FRAS1: variants seen among roughly 807,000 people sequenced by gnomAD.
FRAS1 encodes extracellular matrix organizing protein FRAS1.
Under a neutral mutation model 435.2 loss-of-function variants are expected in FRAS1, and 290 were observed. That is an observed-to-expected ratio of 0.67 (90% CI 0.61 to 0.73). FRAS1 has a LOEUF of 0.73. Ranked by LOEUF, FRAS1 falls within the 30% of genes least tolerant of loss-of-function variation. The probability of loss-of-function intolerance (pLI) is 0.00; values close to 1 mark genes in which losing one functional copy is unlikely to be tolerated. For missense variants in FRAS1, 4,860 were observed against 5,001.5 expected, an observed-to-expected ratio of 0.97 and a Z score of 0.85; for synonymous variants, 1,800 against 1,851.0, an observed-to-expected ratio of 0.97 and a Z score of 0.71.
chr4:78,373,378 G>C (rs10028775), intron 24 of FRAS1, among the ~76,000 whole-genome samples: 37 of 151,426 alleles, frequency 2.4e-4, no homozygotes, highest in African/African-American at 9.0e-4. Context: ...ATTCCTGGGG[G>C]ACTGAAAACT....
chr4:78,285,522 C>T (rs965644429), intron 13 of FRAS1, among the ~76,000 whole-genome samples: 1 of 151,028 alleles, frequency 6.6e-6, no homozygotes, highest in Admixed American at 6.6e-5. Flanking sequence ...ACTTCCACCT[C>T]CCGGGTTCAA....
chr4:78,113,451 A>C (rs1371915971), intron 2 of FRAS1, among the ~76,000 whole-genome samples: 1 of 152,178 alleles, frequency 6.6e-6, no homozygotes, highest in African/African-American at 2.4e-5. Flanking sequence ...CCAACAGTGT[A>C]AAAGTGTTCC....
intron 27 of FRAS1, among the ~76,000 whole-genome samples, chr4:78,383,676 C>CG (rs1732108850): frequency 6.6e-6 from 1 of 152,162 alleles, no homozygotes; most frequent in African/African-American, 2.4e-5. Flanking sequence ...AAGAGGGAAT[C>CG]GTGGAGAACT....
chr4:78,060,019 A>G (rs947048180), intron 1 of FRAS1, among the ~76,000 whole-genome samples: 1 of 152,164 alleles, frequency 6.6e-6, no homozygotes, highest in African/African-American at 2.4e-5. Context: ...TGATAAATTG[A>G]TAGATGTCTG....
chr4:78,518,450 ATATT>A lies in FRAS1; in HGVS notation c.10390-863_10390-860del, dbSNP rs147999269. On this transcript the variant is annotated intron_variant, in intron 66 of 73. Coordinates refer to ENST00000512123, the MANE Select transcript of FRAS1 (RefSeq NM_025074.7). ...TATATATATATATATATATATATATATATTTATTTATTTATTTATTTGTGGAAAA... is the reference window on the plus strand; with the variant it reads ...TATATATATATATATATATATATATATATTTATTTATTTATTTGTGGAAAA... Among the ~76,000 whole-genome samples, 284 of 69,314 alleles carry A rather than the reference ATATT, an allele frequency of 4.1e-3. 1 individual carries two copies. The highest frequency in any genetic ancestry group is 7.6e-3 in the Admixed American group (50 of 6,576). 45.5% of individuals were successfully genotyped at this position (69,314 alleles called of 152,430 possible). A position where few individuals can be genotyped will look rare whatever the true frequency, so the allele number is the denominator to read the frequency against.
intron 21 of FRAS1, 32 bp from the exon 22 acceptor site, chr4:78,363,876 T>C: frequency 6.3e-7 from 1 of 1,586,726 alleles, no homozygotes; most frequent in Admixed American, 1.8e-5. Flanking sequence ...TCTGACATCA[T>C]GGTTTCTGTT....
At chr4:78,109,529 G>A (rs965093681) in intron 2 of FRAS1, among the ~76,000 whole-genome samples, 21 of 146,946 alleles carry the variant, frequency 1.4e-4, no homozygotes, top group African/African-American at 5.1e-4. Flanking sequence ...TGCAGAAAAA[G>A]CCTTTGACAA....
At position 78,472,272 on chromosome 4, in the gene FRAS1, G is replaced by T. The variant is rs372346225; in HGVS notation, c.7464G>T (p.Lys2488Asn). The change falls in exon 52 of 74, where the codon AAG becomes AAT. Residue 2488 changes from lysine (K) to asparagine (N), a missense_variant. Transcript: ENST00000512123. Reference sequence around the variant, plus strand: ...TCTATGAGATAACGACGGGCCCTAAGCATGGCTTTGTGGAGAACAAGCTGC... The same window carrying T: ...TCTATGAGATAACGACGGGCCCTAATCATGGCTTTGTGGAGAACAAGCTGC... ...QLVYEITTGP[K>N]HGFVENKLQP... 5 of 1,613,382 alleles carry T rather than the reference G, an allele frequency of 3.1e-6. No individual in the cohort carries two copies. The highest frequency in any genetic ancestry group is 3.4e-6 in the Non-Finnish European group (4 of 1,179,604).
chr4:78,315,701 G>A lies in FRAS1; in HGVS notation c.1786G>A (p.Gly596Arg), dbSNP rs779478457. Residue 596 changes from glycine (G) to arginine (R), a missense_variant, in exon 16 of 74, where the codon GGG becomes AGG. Gly to Arg is a moderately radical substitution (Grantham distance 125). Transcript: ENST00000512123. ...DGKCMSECPG[G>R]YYADATGRCK... The stretch of plus-strand genomic sequence containing the variant: ...GAAATGCATGTCTGAATGCCCTGGC[G>A]GGTACTATGCTGATGCCACTGGCAG... 5.6e-6 allele frequency: 9 copies of A among 1,613,860 alleles called. No individual in the cohort carries two copies. In the Admixed American group the frequency reaches 6.7e-5, roughly 12 times the overall value.
intron 6 of FRAS1, 76 bp from the exon 7 acceptor site, chr4:78,264,949 T>C (rs907761899): frequency 3.5e-6 from 3 of 849,128 alleles, no homozygotes; most frequent in African/African-American, 3.3e-5. Flanking sequence ...TAGTTGGCTG[T>C]GAATGAAATT....
chr4:78,317,685 T>C lies in FRAS1; in HGVS notation c.1960+177T>C, dbSNP rs772351574. Among the ~76,000 whole-genome samples the C allele has an allele frequency of 3.5e-4, 54 of 152,334 alleles. 1 individual carries two copies. Among genetic ancestry groups the C allele is most frequent in the South Asian group, 1.7e-3 (8 of 4,826 alleles). ...TTTGCAAAGGGTTAATCTGAAAAAATTTTATTTGAAAATTTGTGAAGACAC... is the reference window on the plus strand; with the variant it reads ...TTTGCAAAGGGTTAATCTGAAAAAACTTTATTTGAAAATTTGTGAAGACAC... On this transcript the variant is annotated intron_variant, in intron 17 of 73. Coordinates refer to ENST00000512123, the MANE Select transcript of FRAS1 (RefSeq NM_025074.7).
chr4:78,082,910 A>T (rs535658840), intron 2 of FRAS1, among the ~76,000 whole-genome samples: 1 of 152,138 alleles, frequency 6.6e-6, no homozygotes, highest in Non-Finnish European at 1.5e-5. Flanking sequence ...ACCTATACTG[A>T]TATTTCACAA....
chr4:78,221,667 G>A (rs1195042625), intron 2 of FRAS1, among the ~76,000 whole-genome samples: 2 of 152,112 alleles, frequency 1.3e-5, no homozygotes, highest in Non-Finnish European at 2.9e-5. Context: ...TTTAGAAGGG[G>A]CTCTTATTAA....
intron 2 of FRAS1, among the ~76,000 whole-genome samples, chr4:78,175,192 G>A (rs1721714868): frequency 6.6e-6 from 1 of 152,208 alleles, no homozygotes; most frequent in Non-Finnish European, 1.5e-5. Context: ...CGGGGAGCAA[G>A]ATTTACATTT....
At chr4:78,314,935 A>G (rs1409655159) in intron 15 of FRAS1, among the ~76,000 whole-genome samples, 2 of 152,060 alleles carry the variant, frequency 1.3e-5, no homozygotes, top group Non-Finnish European at 2.9e-5. Flanking sequence ...TATTTCCAAT[A>G]TTGTCTATTT....
Position 78,519,320 on chromosome 4 carries a change from T to C in FRAS1, c.10390-11T>C, listed in dbSNP as rs2109892390. The C allele has an allele frequency of 1.3e-6, 2 of 1,520,912 alleles. No homozygotes were observed. The highest frequency in any genetic ancestry group is 4.9e-5 in the East Asian group (2 of 41,196). The allele number at this position is 1,520,912 out of a possible 1,614,324, so 94.2% of individuals were successfully genotyped here. ...AGAAATAACTCTGTGTGCATACTGC[T>C]TCCTCGGCAGGTGAGGGACTCTGCC... On this transcript the variant is annotated splice_polypyrimidine_tract_variant and intron_variant, in intron 66 of 73. Transcript: ENST00000512123.
chr4:78,178,370 G>GT (rs537357570), intron 2 of FRAS1, among the ~76,000 whole-genome samples: 213 of 152,220 alleles, frequency 1.4e-3, no homozygotes, highest in African/African-American at 5.0e-3. Context: ...AGGCTTCGTA[G>GT]TTTTCAGTCC....
intron 56 of FRAS1, among the ~76,000 whole-genome samples, chr4:78,480,777 C>G (rs1322207995): frequency 6.6e-6 from 1 of 152,206 alleles, no homozygotes; most frequent in Non-Finnish European, 1.5e-5. Context: ...AGAGGGGCAA[C>G]AGCTGTGCTG....
At chr4:78,433,919 T>C (rs958463504) in intron 38 of FRAS1, among the ~76,000 whole-genome samples, 1 of 152,170 alleles carries the variant, frequency 6.6e-6, no homozygotes, top group Non-Finnish European at 1.5e-5. Context: ...TTTCAGAAAT[T>C]GATTGAATGT....
Sources: allele counts gnomAD v4.1 joint callset (sites outside exome capture counted in the v4.1 genomes callset), GRCh38; gene constraint gnomAD v4.1.1; transcripts MANE v1.5; gene names NCBI Gene and HGNC (gene_info 2026-07-23, HGNC 2026-07-21).